Variants in CACNA2D4 observed in about 807,000 individuals in gnomAD.
CACNA2D4 encodes the protein calcium voltage-gated channel auxiliary subunit alpha2delta 4.
Under a neutral mutation model 163.8 loss-of-function variants are expected in CACNA2D4, and 157 were observed. That is an observed-to-expected ratio of 0.96 (90% CI 0.84 to 1.09). CACNA2D4 has a LOEUF of 1.09. Ranked by LOEUF, CACNA2D4 falls within the 50% of genes least tolerant of loss-of-function variation. The pLI, the probability that CACNA2D4 is intolerant of heterozygous loss-of-function variation, is 0.00. For missense variants in CACNA2D4, 1,410 were observed against 1,479.9 expected, an observed-to-expected ratio of 0.95 and a Z score of 0.78; for synonymous variants, 598 against 586.9, an observed-to-expected ratio of 1.02 and a Z score of -0.27.
rs2154446880 is a variant in CACNA2D4, at chr12:1,828,091, C to T, written c.2551+12648G>A. 1.4e-6 allele frequency: 2 copies of T among 1,445,946 alleles called. No homozygotes were observed. The highest frequency in any genetic ancestry group is 2.5e-5 in the Admixed American group (1 of 39,488). 89.6% of individuals were successfully genotyped at this position (1,445,946 alleles called of 1,614,324 possible). ...CCTCCCTCAGGACTGACAGGCGGCGCACCCAGGGGCTCCTCTCTCCCCAGA... is the reference window on the plus strand; with the variant it reads ...CCTCCCTCAGGACTGACAGGCGGCGTACCCAGGGGCTCCTCTCTCCCCAGA... On this transcript the variant is annotated intron_variant, in intron 26 of 37. Transcript: ENST00000382722. The surrounding 1 kb of genome is among the most constrained non-coding windows in gnomAD (Gnocchi z 4.2).
intron 26 of CACNA2D4, chr12:1,831,236 G>T (rs1864613980): frequency 2.5e-6 from 4 of 1,613,684 alleles, no homozygotes; most frequent in African/African-American, 1.3e-5. Context: ...AGCTTCAGCT[G>T]CGCAATAACA....
In CACNA2D4 at chr12:1,883,960, C is replaced by A; in HGVS notation, c.1351+283G>T. Reference sequence around the variant, plus strand: ...GACCATTCACACACAAAACATTATTCCAGAGAAAACAGTGACCCTCTGCTT... The same window carrying A: ...GACCATTCACACACAAAACATTATTACAGAGAAAACAGTGACCCTCTGCTT... On this transcript the variant is annotated intron_variant, in intron 12 of 37. Transcript: ENST00000382722. This position sits in a 1 kb window ranked among gnomAD's most constrained non-coding sequence, Gnocchi z 4.5. 1 of 460,462 alleles carries A rather than the reference C, an allele frequency of 2.2e-6. No individual in the cohort carries two copies. The allele number at this position is 460,462 out of a possible 1,614,324, so 28.5% of individuals were successfully genotyped here.
At chr12:1,909,508 C>A (rs1022673646) in intron 4 of CACNA2D4, among the ~76,000 whole-genome samples, 1 of 152,200 alleles carries the variant, frequency 6.6e-6, no homozygotes, top group Non-Finnish European at 1.5e-5. Context: ...TTTCTTATTT[C>A]TGTGTTTTCT....
intron 1 of CACNA2D4, chr12:1,918,023 G>A (rs1452860187): frequency 3.9e-6 from 2 of 515,976 alleles, no homozygotes; most frequent in Non-Finnish European, 6.8e-6. Context: ...CTCCTGGGGA[G>A]AGGCAGGTGG....
chr12:1,910,605 T>C (rs1866788482), intron 3 of CACNA2D4, among the ~76,000 whole-genome samples: 1 of 152,192 alleles, frequency 6.6e-6, no homozygotes, highest in Admixed American at 6.5e-5. Context: ...AACTCAAATA[T>C]CTGTCATTTG....
intron 26 of CACNA2D4, among the ~76,000 whole-genome samples, chr12:1,825,141 C>G (rs554295453): frequency 3.3e-4 from 50 of 152,340 alleles, no homozygotes; most frequent in Admixed American, 5.9e-4. Context: ...CCATTCGAGG[C>G]TGAAGATGGG....
intron 1 of CACNA2D4, 115 bp from the exon 2 acceptor site, chr12:1,915,050 C>A (rs1866931981): frequency 2.6e-6 from 2 of 775,544 alleles, no homozygotes; most frequent in Non-Finnish European, 4.7e-6. Flanking sequence ...CACACAGACA[C>A]CTGCTGATGC....
intron 23 of CACNA2D4, among the ~76,000 whole-genome samples, chr12:1,853,625 T>C (rs903630592): frequency 6.6e-6 from 1 of 152,162 alleles, no homozygotes; most frequent in African/African-American, 2.4e-5. Flanking sequence ...AGCGAGGATT[T>C]CTAAGGGGCT....
chr12:1,823,819 T>A (rs1864209397), intron 26 of CACNA2D4, among the ~76,000 whole-genome samples: 1 of 152,156 alleles, frequency 6.6e-6, no homozygotes. Flanking sequence ...CGGGAGTGGA[T>A]CAGGCAATGC....
chr12:1,804,163 G>C (rs965401901), intron 29 of CACNA2D4, among the ~76,000 whole-genome samples: 2 of 139,664 alleles, frequency 1.4e-5, no homozygotes, highest in Admixed American at 7.6e-5. Flanking sequence ...GTGTGTGTGT[G>C]TCCCCTCCGT....
rs1277120952 is a variant in CACNA2D4 at position 1,802,688 on chromosome 12, A to G, written c.2722-1044T>C. ...TCCCAGTAAATACTTGAAAAATGGC[A>G]GCCATCGTTAGGAGGAGAGGTCCGG... On this transcript the variant is annotated intron_variant, in intron 29 of 37. Coordinates refer to ENST00000382722, the MANE Select transcript of CACNA2D4 (RefSeq NM_172364.5). This position sits in a 1 kb window ranked among gnomAD's most constrained non-coding sequence, Gnocchi z 4.7. Among the ~76,000 whole-genome samples the G allele has an allele frequency of 6.6e-6, 1 of 152,172 alleles. No individual in the cohort carries two copies. Among genetic ancestry groups the G allele is most frequent in the Non-Finnish European group, 1.5e-5 (1 of 68,038 alleles).
Position 1,918,568 on chromosome 12 carries a change from G to T in CACNA2D4, c.-95C>A. On this transcript the variant is annotated 5_prime_UTR_variant, in exon 1 of 38. Coordinates refer to ENST00000382722, the MANE Select transcript of CACNA2D4 (RefSeq NM_172364.5). Reference sequence around the variant, plus strand: ...TGGGGTCTCCAGCCTCTCAGTCCTGGGTGGGGAGGGCTTCTCTCTGCCCCA... The same window carrying T: ...TGGGGTCTCCAGCCTCTCAGTCCTGTGTGGGGAGGGCTTCTCTCTGCCCCA... 7 of 932,366 alleles carry T rather than the reference G, an allele frequency of 7.5e-6. No individual in the cohort carries two copies. The allele number at this position is 932,366 out of a possible 1,614,324, so 57.8% of individuals were successfully genotyped here. A position where few individuals can be genotyped will look rare whatever the true frequency, so the allele number is the denominator to read the frequency against.
chr12:1,875,259 C>T lies in CACNA2D4; in HGVS notation c.1798G>A (p.Ala600Thr), dbSNP rs1865857803. The stretch of plus-strand genomic sequence containing the variant: ...CTATTTTCCCCACTCACAGATTCAG[C>T]CTGGTCTTCCCACTCCACTTCGGAG... ...DLSEVEWEDQ[A>T]ESLRTAMINR... Residue 600 changes from alanine to threonine, a missense_variant, in exon 17 of 38, where the codon GCT becomes ACT. By Grantham distance (58) the Ala-to-Thr change is moderately conservative. Coordinates refer to ENST00000382722, the MANE Select transcript of CACNA2D4 (RefSeq NM_172364.5). This position sits in a 1 kb window ranked among gnomAD's most constrained non-coding sequence, Gnocchi z 4.0. The T allele has an allele frequency of 6.2e-7, 1 of 1,612,030 alleles. No individual in the cohort carries two copies. Among genetic ancestry groups the T allele is most frequent in the Admixed American group, 1.7e-5 (1 of 59,972 alleles).
At chr12:1,800,296 T>TG in intron 32 of CACNA2D4, 90 bp downstream of exon 32, 13 of 1,415,254 alleles carry the variant, frequency 9.2e-6, no homozygotes, top group Non-Finnish European at 1.3e-5. Flanking sequence ...TGGGTTGTCC[T>TG]GGAGACCTTG....
intron 22 of CACNA2D4, 150 bp downstream of exon 22, chr12:1,855,862 G>C: frequency 1.6e-6 from 1 of 632,452 alleles, no homozygotes; most frequent in East Asian, 2.7e-5. Context: ...CTTTTTCTTT[G>C]GGAATCTCCC....
chr12:1,846,605 C>T lies in CACNA2D4; in HGVS notation c.2331G>A (p.Lys777=). The change falls in exon 24 of 38, where the codon AAG becomes AAA. Residue 777 remains lysine, a synonymous_variant. Coordinates refer to ENST00000382722, the MANE Select transcript of CACNA2D4 (RefSeq NM_172364.5). The stretch of plus-strand genomic sequence containing the variant: ...CCGGCCCAACCCACCTGTCGGAGAC[C>T]TTCTCGGAGCCCACGAACAAGCTGC... ...LRSSLFVGSE[K]VSDRKFLTPE... 1 of 1,597,896 alleles carries T rather than the reference C, an allele frequency of 6.3e-7. No homozygotes were observed.
chr12:1,853,538 C>A (rs1264198569), intron 23 of CACNA2D4, among the ~76,000 whole-genome samples: 2 of 152,132 alleles, frequency 1.3e-5, no homozygotes, highest in Non-Finnish European at 2.9e-5. Flanking sequence ...ATGCCCTACA[C>A]TCACACTCAC....
Position 1,878,930 on chromosome 12 carries a change from C to T in CACNA2D4, c.1644+26G>A, listed in dbSNP as rs1291923697. On this transcript the variant is annotated intron_variant, in intron 15 of 37. Coordinates refer to ENST00000382722, the MANE Select transcript of CACNA2D4 (RefSeq NM_172364.5). The surrounding 1 kb of genome is among the most constrained non-coding windows in gnomAD (Gnocchi z 4.6). Reference sequence around the variant, plus strand: ...GTTTGCTCCTGGGGAACCTGTGATCCCCACAGGGAACAGACCCAGGCTCAC... The same window carrying T: ...GTTTGCTCCTGGGGAACCTGTGATCTCCACAGGGAACAGACCCAGGCTCAC... 3 of 1,596,938 alleles carry T rather than the reference C, an allele frequency of 1.9e-6. No homozygotes were observed. Among genetic ancestry groups the T allele is most frequent in the East Asian group, 4.5e-5 (2 of 44,730 alleles).
At chr12:1,894,507 C>A (rs1032059263) in intron 6 of CACNA2D4, among the ~76,000 whole-genome samples, 1 of 152,074 alleles carries the variant, frequency 6.6e-6, no homozygotes, top group Non-Finnish European at 1.5e-5. Context: ...ACTAGCAAGC[C>A]AAATCCAACA....
Sources: allele counts gnomAD v4.1 joint callset (sites outside exome capture counted in the v4.1 genomes callset), GRCh38; gene constraint gnomAD v4.1.1; non-coding constraint Gnocchi (gnomAD v3.1); transcripts MANE v1.5; gene names NCBI Gene and HGNC (gene_info 2026-07-23, HGNC 2026-07-21).